Variants in FRMD4B observed in about 807,000 individuals in gnomAD.
The protein encoded by FRMD4B is FERM domain-containing protein 4B.
FRMD4B carries 74 observed loss-of-function variants against 141.5 expected under a neutral mutation model. That is an observed-to-expected ratio of 0.52 (90% CI 0.43 to 0.63). The LOEUF is 0.63. Among genes scored for constraint, FRMD4B ranks in the 30% least tolerant of loss-of-function variants. The probability of loss-of-function intolerance (pLI) is 0.00; values close to 1 mark genes in which losing one functional copy is unlikely to be tolerated. For synonymous variants in FRMD4B, 506 were observed against 467.9 expected, an observed-to-expected ratio of 1.08 and a Z score of -1.05; for missense variants, 1,366 against 1,253.4, an observed-to-expected ratio of 1.09 and a Z score of -1.36.
chr3:69,225,004 A>G (rs1268360762), intron 7 of FRMD4B, among the ~76,000 whole-genome samples: 1 of 152,246 alleles, frequency 6.6e-6, no homozygotes, highest in African/African-American at 2.4e-5. Flanking sequence ...ATGTTCCTAC[A>G]GTATCTTACT....
At chr3:69,303,992 A>T (rs566068061) in intron 3 of FRMD4B, among the ~76,000 whole-genome samples, 73 of 152,116 alleles carry the variant, frequency 4.8e-4, no homozygotes, top group Admixed American at 1.4e-3. Flanking sequence ...CACAGCTTTT[A>T]AAAAAAGTAC....
intron 11 of FRMD4B, among the ~76,000 whole-genome samples, chr3:69,201,243 A>T (rs930385043): frequency 6.6e-6 from 1 of 152,152 alleles, no homozygotes; most frequent in Non-Finnish European, 1.5e-5. Context: ...TTGGAATGAT[A>T]CAAAATTCAG....
At chr3:69,211,867 ATTCT>A (rs1277345333) in intron 11 of FRMD4B, among the ~76,000 whole-genome samples, 2 of 152,326 alleles carry the variant, frequency 1.3e-5, no homozygotes, top group African/African-American at 4.8e-5. Context: ...TAAATTATGC[ATTCT>A]TTCATTTGTG....
intron 1 of FRMD4B, among the ~76,000 whole-genome samples, chr3:69,352,174 A>G (rs1703172397): frequency 6.6e-6 from 1 of 152,204 alleles, no homozygotes; most frequent in Non-Finnish European, 1.5e-5. Context: ...AGATAGTCTT[A>G]CTTCTCAGGA....
intron 1 of FRMD4B, among the ~76,000 whole-genome samples, chr3:69,314,242 A>AG (rs1701727002): frequency 6.8e-6 from 1 of 147,522 alleles, no homozygotes; most frequent in Non-Finnish European, 1.5e-5. Flanking sequence ...AAAAAAAAAA[A>AG]GCCAGCCAGG....
intron 4 of FRMD4B, chr3:69,293,044 C>T (rs1008397090): frequency 6.6e-6 from 3 of 453,202 alleles, no homozygotes; most frequent in Non-Finnish European, 1.3e-5. Flanking sequence ...TATTTGGGCT[C>T]CTCCCATTAG....
intron 1 of FRMD4B, among the ~76,000 whole-genome samples, chr3:69,485,113 C>T (rs1706192938): frequency 6.6e-6 from 1 of 152,170 alleles, no homozygotes; most frequent in African/African-American, 2.4e-5. Flanking sequence ...CCCTCCCCTG[C>T]TCCTCTATTA....
chr3:69,196,594 G>A (rs1267307050), intron 13 of FRMD4B, 198 bp from the exon 14 acceptor site: 10 of 587,804 alleles, frequency 1.7e-5, no homozygotes, highest in East Asian at 8.8e-5. Context: ...ATAACTATAC[G>A]TGATTTTCTC....
chr3:69,465,398 T>C (rs189112656), intron 1 of FRMD4B, among the ~76,000 whole-genome samples: 2 of 152,312 alleles, frequency 1.3e-5, no homozygotes, highest in East Asian at 3.9e-4. Context: ...TTATTCTTTC[T>C]TTAAAATTAT....
At chr3:69,397,803 T>A (rs1015948157) in intron 2 of FRMD4B, among the ~76,000 whole-genome samples, 16 of 152,174 alleles carry the variant, frequency 1.1e-4, no homozygotes, top group African/African-American at 3.4e-4. Context: ...TAGTAACGGT[T>A]GCACCACTCT....
At chr3:69,188,535 A>G (rs1405297546) in intron 18 of FRMD4B, among the ~76,000 whole-genome samples, 1 of 151,972 alleles carries the variant, frequency 6.6e-6, no homozygotes, top group Non-Finnish European at 1.5e-5. Flanking sequence ...AGGCGGGTGG[A>G]TCATGAGGTC....
chr3:69,405,216 C>T (rs1704630340), intron 2 of FRMD4B, among the ~76,000 whole-genome samples: 1 of 152,174 alleles, frequency 6.6e-6, no homozygotes, highest in African/African-American at 2.4e-5. Flanking sequence ...TGGTGTGTTC[C>T]TTTACACGTG....
chr3:69,339,580 A>C (rs1030154991), intron 1 of FRMD4B, among the ~76,000 whole-genome samples: 1 of 152,212 alleles, frequency 6.6e-6, no homozygotes, highest in African/African-American at 2.4e-5. Flanking sequence ...TGATGCAGCT[A>C]CATGAACCAT....
chr3:69,411,401 A>C (rs1704759603), intron 2 of FRMD4B, among the ~76,000 whole-genome samples: 1 of 152,192 alleles, frequency 6.6e-6, no homozygotes, highest in African/African-American at 2.4e-5. Flanking sequence ...AGCAAGGTAC[A>C]CCTGGATGAT....
At chr3:69,313,314 C>T in intron 2 of FRMD4B, 138 bp downstream of exon 2, 1 of 716,460 alleles carries the variant, frequency 1.4e-6, no homozygotes, top group Non-Finnish European at 2.6e-6. Flanking sequence ...GAGTCATTGG[C>T]TTTGAGGCAA....
intron 9 of FRMD4B, among the ~76,000 whole-genome samples, chr3:69,219,759 T>C (rs1406397144): frequency 1.3e-5 from 2 of 152,286 alleles, no homozygotes; most frequent in Admixed American, 6.5e-5. Flanking sequence ...CACTTTTCCC[T>C]AATGCTCTCT....
intron 1 of FRMD4B, among the ~76,000 whole-genome samples, chr3:69,515,111 GA>G (rs1700730630): frequency 6.6e-6 from 1 of 152,182 alleles, no homozygotes; most frequent in Non-Finnish European, 1.5e-5. Context: ...ACTCAGTGGG[GA>G]AAGGTGTCTT....
At chr3:69,270,872 G>T (rs61627617) in intron 5 of FRMD4B, among the ~76,000 whole-genome samples, 3 of 152,002 alleles carry the variant, frequency 2.0e-5, no homozygotes, top group African/African-American at 7.2e-5. Context: ...CCCCAACCAA[G>T]CATTTTCAAA....
At chr3:69,207,660 T>C (rs957470732) in intron 11 of FRMD4B, among the ~76,000 whole-genome samples, 1 of 151,936 alleles carries the variant, frequency 6.6e-6, no homozygotes. Context: ...ATACAAAAAT[T>C]AGCTGGGCGT....
Sources: gnomAD v4.1 joint callset for allele counts (sites outside exome capture counted in the v4.1 genomes callset) on GRCh38, gnomAD v4.1.1 for gene constraint, MANE v1.5 for transcripts, NCBI Gene and HGNC (gene_info 2026-07-23, HGNC 2026-07-21) for gene names.